Variants in WRN observed in about 807,000 individuals in gnomAD.
The protein encoded by WRN is WRN RecQ like helicase.
WRN carries 149 observed loss-of-function variants against 180.7 expected under a neutral mutation model. The observed-to-expected ratio is 0.82, with a 90% CI of 0.72 to 0.94. The LOEUF (loss-of-function observed/expected upper bound fraction) is 0.94. Ranked by LOEUF, WRN falls within the 40% of genes least tolerant of loss-of-function variation. WRN has a pLI of 0.00. For missense variants in WRN, 1,661 were observed against 1,700.1 expected (o/e 0.98, Z 0.40); for synonymous variants, 548 against 568.9 (o/e 0.96, Z 0.52).
At chr8:31,066,039 T>A (rs879807354) in intron 5 of WRN, among the ~76,000 whole-genome samples, 1 of 150,900 alleles carries the variant, frequency 6.6e-6, no homozygotes, top group Non-Finnish European at 1.5e-5. Context: ...CCACCATGCC[T>A]AGCTAATTTT....
At chr8:31,047,138 ATTTTTTTT>A (rs549940818) in intron 1 of WRN, among the ~76,000 whole-genome samples, 82 of 115,286 alleles carry the variant, frequency 7.1e-4, no homozygotes, top group African/African-American at 2.5e-3. Flanking sequence ...GGCAATGCTG[ATTTTTTTT>A]TTTTTTTTTT....
intron 1 of WRN, among the ~76,000 whole-genome samples, chr8:31,055,133 GT>G: frequency 6.6e-6 from 1 of 152,160 alleles, no homozygotes; most frequent in East Asian, 1.9e-4. Context: ...TGGGCATTTG[GT>G]TTTTTTCCAT....
In WRN at chr8:31,058,414, GT is replaced by G. The variant is rs1257868577; in HGVS notation, c.-28del. The stretch of plus-strand genomic sequence containing the variant: ...TTTTGTATTTACCCATGAAGACATT[GT>G]TTTTTGGACTCTGCAAATAGGACAT... On this transcript the variant is annotated 5_prime_UTR_variant, in exon 2 of 35. The change abolishes the stop of an existing upstream ORF in the 5' untranslated region. Coordinates refer to ENST00000298139, the MANE Select transcript of WRN (RefSeq NM_000553.6). 2 of 1,586,070 alleles carry G rather than the reference GT, an allele frequency of 1.3e-6. No individual in the cohort carries two copies. Among genetic ancestry groups the G allele is most frequent in the Non-Finnish European group, 1.7e-6 (2 of 1,156,600 alleles).
chr8:31,045,130 G>A (rs912294030), intron 1 of WRN, among the ~76,000 whole-genome samples: 5 of 152,110 alleles, frequency 3.3e-5, no homozygotes, highest in African/African-American at 4.8e-5. Flanking sequence ...TTTTCTCAAA[G>A]ATAAGAAATG....
In WRN at chr8:31,132,607, A is replaced by G; in HGVS notation, c.2967+101A>G. The G allele has an allele frequency of 4.6e-6, 7 of 1,513,358 alleles. No homozygotes were observed. The South Asian group carries it at 6.9e-5, about 15-fold the overall frequency. The allele number at this position is 1,513,358 out of a possible 1,614,324, so 93.7% of individuals were successfully genotyped here. A position where few individuals can be genotyped will look rare whatever the true frequency, so the allele number is the denominator to read the frequency against. On this transcript the variant is annotated intron_variant, in intron 24 of 34. Transcript: ENST00000298139. ...ATTATGATTGTAGCTTTGACTTCAGATGGGTGACTAGGAACTCATAGAGTC... is the reference window on the plus strand; with the variant it reads ...ATTATGATTGTAGCTTTGACTTCAGGTGGGTGACTAGGAACTCATAGAGTC...
At chr8:31,149,027 A>G (rs565534351) in intron 30 of WRN, among the ~76,000 whole-genome samples, 2 of 152,304 alleles carry the variant, frequency 1.3e-5, no homozygotes, top group Non-Finnish European at 1.5e-5. Flanking sequence ...ATTGCATCCA[A>G]TAGATGTTAC....
rs188316232 is a variant in WRN, at chr8:31,137,715, G to A, written c.2968-3715G>A. On this transcript the variant is annotated intron_variant, in intron 24 of 34. Transcript: ENST00000298139. Reference sequence around the variant, plus strand: ...ATAAGTAACTTGCCAGAGCTATGACGTGAACTCAGGTAATGTAGCTTAAGA... The same window carrying A: ...ATAAGTAACTTGCCAGAGCTATGACATGAACTCAGGTAATGTAGCTTAAGA... Among the ~76,000 whole-genome samples the A allele has an allele frequency of 3.7e-4, 56 of 152,214 alleles. 1 individual carries two copies. Among genetic ancestry groups the A allele is most frequent in the African/African-American group, 9.6e-4 (40 of 41,534 alleles).
At chr8:31,125,537 G>GAGATATATATATAT (rs1365119717) in intron 23 of WRN, among the ~76,000 whole-genome samples, 3 of 63,766 alleles carry the variant, frequency 4.7e-5, no homozygotes, top group Non-Finnish European at 9.1e-5. Flanking sequence ...ATATTATGGA[G>GAGATATATATATAT]ATATATATAT....
intron 33 of WRN, among the ~76,000 whole-genome samples, chr8:31,159,233 G>A (rs1202255475): frequency 6.6e-6 from 1 of 151,974 alleles, no homozygotes; most frequent in African/African-American, 2.4e-5. Flanking sequence ...TCAGGAGTTT[G>A]GGGTTATAAT....
At chr8:31,086,406 C>A (rs1813531871) in intron 11 of WRN, among the ~76,000 whole-genome samples, 1 of 151,930 alleles carries the variant, frequency 6.6e-6, no homozygotes, top group Non-Finnish European at 1.5e-5. Context: ...AACCCTCTCT[C>A]TCCAGAAAAA....
Position 31,111,612 on chromosome 8 carries a change from C to T in WRN, c.2089-3C>T. 1 of 1,613,890 alleles carries T rather than the reference C, an allele frequency of 6.2e-7. No homozygotes were observed. Among genetic ancestry groups the T allele is most frequent in the Non-Finnish European group, 8.5e-7 (1 of 1,179,864 alleles). ...TTTAAAATATCAGTTTTACATCATTCAGGTTCCAATCGTTGCACTTACTGC... is the reference window on the plus strand; with the variant it reads ...TTTAAAATATCAGTTTTACATCATTTAGGTTCCAATCGTTGCACTTACTGC... On this transcript the variant is annotated splice_polypyrimidine_tract_variant and splice_region_variant and intron_variant, in intron 18 of 34. Coordinates refer to ENST00000298139, the MANE Select transcript of WRN (RefSeq NM_000553.6).
chr8:31,173,508 G>A lies in WRN; in HGVS notation c.*406G>A. The A allele has an allele frequency of 5.2e-6, 1 of 191,584 alleles. No homozygotes were observed. The highest frequency in any genetic ancestry group is 1.1e-5 in the Non-Finnish European group (1 of 91,454). The allele number at this position is 191,584 out of a possible 1,614,324, so 11.9% of individuals were successfully genotyped here. ...ATTATCAAAATTCTGTTTTGTAAAT[G>A]TAAGAAAGCATAGTTATTTTACAAA... is the stretch of plus-strand genomic sequence containing the variant. On this transcript the variant is annotated 3_prime_UTR_variant, in exon 35 of 35. Coordinates refer to ENST00000298139, the MANE Select transcript of WRN (RefSeq NM_000553.6).
intron 1 of WRN, among the ~76,000 whole-genome samples, chr8:31,053,242 AAG>A (rs1314810092): frequency 6.6e-6 from 1 of 152,206 alleles, no homozygotes; most frequent in Non-Finnish European, 1.5e-5. Context: ...ACTATGGAAA[AAG>A]AGTGGAAGTT....
chr8:31,144,088 C>T (rs1035313060), intron 28 of WRN, among the ~76,000 whole-genome samples: 2 of 152,088 alleles, frequency 1.3e-5, no homozygotes, highest in African/African-American at 2.4e-5. Context: ...TTTATTGTGC[C>T]TGGCTTTATT....
intron 20 of WRN, among the ~76,000 whole-genome samples, chr8:31,119,546 A>C (rs1383217061): frequency 6.6e-6 from 1 of 151,604 alleles, no homozygotes; most frequent in African/African-American, 2.4e-5. Flanking sequence ...TTTCCTCCTA[A>C]TATGTTTATG....
intron 9 of WRN, among the ~76,000 whole-genome samples, chr8:31,081,626 A>G (rs1447483703): frequency 6.6e-6 from 1 of 152,226 alleles, no homozygotes; most frequent in Non-Finnish European, 1.5e-5. Flanking sequence ...GGAGTTTGCT[A>G]TTTTATAATT....
intron 6 of WRN, among the ~76,000 whole-genome samples, chr8:31,067,422 T>C (rs1178305149): frequency 6.6e-6 from 1 of 152,184 alleles, no homozygotes; most frequent in African/African-American, 2.4e-5. Flanking sequence ...GAAGCCAAAT[T>C]AATGTCTAAT....
At position 31,088,900 on chromosome 8, in the gene WRN, G is replaced by A. The variant is rs369741345; in HGVS notation, c.1587G>A (p.Trp529Ter). Reference protein sequence around the residue: ...GEEDDDKDFLWPAPNEEQVTC... With the variant: ...GEEDDDKDFL ...TTATTTTATTTCCAGACTTTTTGTG[G>A]CCAGCACCCAATGAAGAGCAAGTTA... Residue 529 changes from tryptophan (W) to a stop codon, truncating the protein, a stop_gained, in exon 13 of 35, where the codon TGG (tryptophan) becomes TGA (stop). Coordinates refer to ENST00000298139, the MANE Select transcript of WRN (RefSeq NM_000553.6). LOFTEE classifies it high-confidence loss of function. 1.2e-6 allele frequency: 2 copies of A among 1,610,372 alleles called. No homozygotes were observed. Among genetic ancestry groups the A allele is most frequent in the Non-Finnish European group, 1.7e-6 (2 of 1,178,182 alleles).
chr8:31,103,781 C>T (rs1051422928), intron 18 of WRN, among the ~76,000 whole-genome samples: 2 of 152,050 alleles, frequency 1.3e-5, no homozygotes, highest in Non-Finnish European at 2.9e-5. Flanking sequence ...GTCACCCTGG[C>T]TGGAATGCAG....
Sources: allele counts gnomAD v4.1 joint callset (sites outside exome capture counted in the v4.1 genomes callset), GRCh38; gene constraint gnomAD v4.1.1; transcripts MANE v1.5; gene names NCBI Gene and HGNC (gene_info 2026-07-23, HGNC 2026-07-21).